Variants in RNH1 observed in about 807,000 individuals in gnomAD.
RNH1 encodes the protein ribonuclease/angiogenin inhibitor 1, also known as ribonuclease inhibitor.
Under a neutral mutation model 46.1 loss-of-function variants are expected in RNH1, and 38 were observed. That is an observed-to-expected ratio of 0.82 (90% CI 0.64 to 1.08). The LOEUF (loss-of-function observed/expected upper bound fraction) is 1.08. RNH1 is among the 50% of genes least tolerant of loss of function. The pLI, the probability that RNH1 is intolerant of heterozygous loss-of-function variation, is 0.00. For synonymous variants in RNH1, 319 were observed against 279.1 expected (o/e 1.14, Z -1.43); for missense variants, 577 against 590.7 (o/e 0.98, Z 0.24).
rs150021935 is a variant in RNH1, at chr11:495,317, T to G, written c.1128-264A>C. ...GGGAGGAGAAAGGACAGGAGAGAGA[T>G]GTCGTCCACCCAGAGAGCCACACCC... On this transcript the variant is annotated intron_variant, in intron 9 of 10. Transcript: ENST00000354420. 2.6e-3 allele frequency among the ~76,000 whole-genome samples: 395 copies of G among 152,160 alleles called. 1 individual carries two copies. Among genetic ancestry groups the G allele is most frequent in the Middle Eastern group, 0.01 (3 of 294 alleles).
intron 6 of RNH1, 41 bp from the exon 7 acceptor site, chr11:498,974 C>A (rs764436220): frequency 7.4e-6 from 12 of 1,611,450 alleles, no homozygotes; most frequent in South Asian, 6.6e-5. Flanking sequence ...CGGGACCCCC[C>A]CTAGCCCACA....
chr11:501,004 C>T lies in RNH1; in HGVS notation c.102-350G>A. On this transcript the variant is annotated intron_variant, in intron 3 of 10. Coordinates refer to ENST00000354420, the MANE Select transcript of RNH1 (RefSeq NM_203387.3). The surrounding 1 kb of genome is among the most constrained non-coding windows in gnomAD (Gnocchi z 4.1). ...GTAGCCGGGCGTGGTGGCGCATGCC[C>T]ATAATCCCAGCTACTCGGGAGGCTG... 5.2e-6 allele frequency: 2 copies of T among 381,134 alleles called. No homozygotes were observed. The highest frequency in any genetic ancestry group is 1.0e-5 in the Non-Finnish European group (2 of 197,390). 23.6% of individuals were successfully genotyped at this position (381,134 alleles called of 1,614,324 possible).
rs750626202 is a variant in RNH1, at chr11:498,116, C to A, written c.982G>T (p.Ala328Ser). Residue 328 changes from alanine (A) to serine (S), a missense_variant, in exon 9 of 11, where the codon GCC (alanine) becomes TCC (serine). Transcript: ENST00000354420. ...LWVKSCSFTA[A>S]CCSHFSSVLA... ...ACTGAGCTGAAGTGGGAGCAGCAGG[C>A]GGCTGTGAAGCTGCAGGACTTCACC... 1.2e-6 allele frequency: 2 copies of A among 1,613,716 alleles called. No individual in the cohort carries two copies. Among genetic ancestry groups the A allele is most frequent in the African/African-American group, 1.3e-5 (1 of 75,064 alleles).
At position 500,666 on chromosome 11, in the gene RNH1, C is replaced by A. The variant is rs760702941; in HGVS notation, c.102-12G>T. Reference sequence around the variant, plus strand: ...CACAGTCGTCCAGCCTGTGAGCAGACCCCAGGGTCATGTGGACCACGCAGA... The same window carrying A: ...CACAGTCGTCCAGCCTGTGAGCAGAACCCAGGGTCATGTGGACCACGCAGA... On this transcript the variant is annotated splice_polypyrimidine_tract_variant and intron_variant, in intron 3 of 10. Coordinates refer to ENST00000354420, the MANE Select transcript of RNH1 (RefSeq NM_203387.3). 6 of 1,602,400 alleles carry A rather than the reference C, an allele frequency of 3.7e-6. No individual in the cohort carries two copies. Among genetic ancestry groups the A allele is most frequent in the Middle Eastern group, 1.6e-4 (1 of 6,082 alleles).
intron 9 of RNH1, among the ~76,000 whole-genome samples, chr11:495,699 A>C (rs61876340): frequency 0.097 from 14,785 of 152,188 alleles, 990 homozygotes; most frequent in Admixed American, 0.18. Flanking sequence ...GTTCCTCTCC[A>C]CATCTGGAAC....
chr11:495,358 C>T (rs544312837), intron 9 of RNH1, among the ~76,000 whole-genome samples: 1 of 152,276 alleles, frequency 6.6e-6, no homozygotes, highest in Non-Finnish European at 1.5e-5. Context: ...CTTGTCACCT[C>T]GACACCGTCT....
chr11:505,638 A>C (rs1207377583), intron 1 of RNH1: 1 of 152,260 alleles, frequency 6.6e-6, no homozygotes, highest in Non-Finnish European at 1.5e-5. Context: ...AGCTCACTGC[A>C]GCCTCCTCTT....
At chr11:500,279 G>T in intron 4 of RNH1, 1 of 701,328 alleles carries the variant, frequency 1.4e-6, no homozygotes, top group Non-Finnish European at 2.3e-6. Context: ...TCTTGGGTGC[G>T]GGGGCTGGGA....
rs746057470 is a variant in RNH1, at chr11:502,198, G to A, written c.-36C>T. On this transcript the variant is annotated 5_prime_UTR_variant, in exon 3 of 11. Transcript: ENST00000354420. The surrounding 1 kb of genome is among the most constrained non-coding windows in gnomAD (Gnocchi z 5.8). ...AAGAGTGGCCTGGGTGGGAGGCAGA[G>A]GGAAGAGGACGTCTTGGCCGAATCC... 5.2e-6 allele frequency: 8 copies of A among 1,530,900 alleles called. No individual in the cohort carries two copies. In the South Asian group the frequency reaches 5.7e-5, roughly 11 times the overall value. The allele number at this position is 1,530,900 out of a possible 1,614,324, so 94.8% of individuals were successfully genotyped here.
intron 9 of RNH1, among the ~76,000 whole-genome samples, chr11:496,091 AAGG>A (rs1040935166): frequency 2.6e-5 from 4 of 151,892 alleles, no homozygotes; most frequent in African/African-American, 4.8e-5. Context: ...AAACATAAGA[AAGG>A]AGAGAGAAAA....
At chr11:498,724 C>G (rs373444784) in intron 7 of RNH1, 39 bp downstream of exon 7, 1 of 1,590,022 alleles carries the variant, frequency 6.3e-7, no homozygotes. Context: ...GGCCCGCCGC[C>G]CGACCCTCCG....
intron 9 of RNH1, among the ~76,000 whole-genome samples, chr11:497,186 C>T (rs1240691904): frequency 1.4e-5 from 2 of 144,516 alleles, no homozygotes; most frequent in East Asian, 2.0e-4. Context: ...CACACGGACA[C>T]TCGTGCTCAC....
chr11:500,314 C>T (rs183171042), intron 4 of RNH1, 170 bp downstream of exon 4: 34 of 829,478 alleles, frequency 4.1e-5, no homozygotes, highest in East Asian at 1.1e-4. Flanking sequence ...CCCTGTCCCC[C>T]CCGCTGTGAG....
In RNH1 at chr11:494,890, G is replaced by A; in HGVS notation, c.1291C>T (p.Gln431Ter). Reference protein sequence around the residue: ...SVRQPGCLLEQLVLYDIYWSE... With the variant: ...SVRQPGCLLE ...CCCAGCGCGTGCACATACACCAGCT[G>A]CTCCAGGAGGCAGCCCGGCTGCCGG... is the stretch of plus-strand genomic sequence containing the variant. The change falls in exon 10 of 11, where the codon CAG becomes TAG. Residue 431 changes from glutamine (Q) to a stop codon, truncating the protein, a stop_gained. Coordinates refer to ENST00000354420, the MANE Select transcript of RNH1 (RefSeq NM_203387.3). LOFTEE classifies it low-confidence loss of function (END_TRUNC). The A allele has an allele frequency of 2.5e-6, 4 of 1,611,902 alleles. No individual in the cohort carries two copies. The highest frequency in any genetic ancestry group is 3.4e-6 in the Non-Finnish European group (4 of 1,179,386).
chr11:497,660 T>C (rs1489134207), intron 9 of RNH1, among the ~76,000 whole-genome samples: 1 of 121,078 alleles, frequency 8.3e-6, no homozygotes, highest in African/African-American at 3.1e-5. Flanking sequence ...CTCACCCATG[T>C]GCTCACACAC....
intron 5 of RNH1, chr11:499,435 G>T (rs1206242589): frequency 2.9e-6 from 2 of 678,928 alleles, no homozygotes; most frequent in East Asian, 5.5e-5. Context: ...CCGGGAGAAA[G>T]AAACCAGCCT....
rs543238224 is a variant in RNH1, at chr11:501,528, C to T, written c.101+534G>A. 1 of 159,800 alleles carries T rather than the reference C, an allele frequency of 6.3e-6. No homozygotes were observed. Among genetic ancestry groups the T allele is most frequent in the Non-Finnish European group, 1.4e-5 (1 of 72,252 alleles). The allele number at this position is 159,800 out of a possible 1,614,324, so 9.9% of individuals were successfully genotyped here. On this transcript the variant is annotated intron_variant, in intron 3 of 10. Coordinates refer to ENST00000354420, the MANE Select transcript of RNH1 (RefSeq NM_203387.3). This position sits in a 1 kb window ranked among gnomAD's most constrained non-coding sequence, Gnocchi z 4.1. ...AGCTAGCGTCCGCAGGTACACAGGA[C>T]CACCTCACCAGGGAGCCCCGTCCGG...
rs939107174 is a variant in RNH1 at position 499,006 on chromosome 11, A to G, written c.614+9T>C. 2 of 1,605,584 alleles carry G rather than the reference A, an allele frequency of 1.2e-6. No homozygotes were observed. Among genetic ancestry groups the G allele is most frequent in the African/African-American group, 2.7e-5 (2 of 74,760 alleles). On this transcript the variant is annotated intron_variant, in intron 6 of 10. Transcript: ENST00000354420. ...CACACCCCGCACCCCCCCAAGGCCCAGTGCCTACTTGAGCGCCTCCAGCTG... is the reference window on the plus strand; with the variant it reads ...CACACCCCGCACCCCCCCAAGGCCCGGTGCCTACTTGAGCGCCTCCAGCTG...
chr11:499,688 C>T, intron 5 of RNH1, 141 bp downstream of exon 5: 1 of 1,010,944 alleles, frequency 9.9e-7, no homozygotes, highest in Non-Finnish European at 1.5e-6. Flanking sequence ...GACCCAGCAT[C>T]ATGGGGAAAG....
Sources: allele counts gnomAD v4.1 joint callset (sites outside exome capture counted in the v4.1 genomes callset), GRCh38; gene constraint gnomAD v4.1.1; non-coding constraint Gnocchi (gnomAD v3.1); transcripts MANE v1.5; gene names NCBI Gene and HGNC (gene_info 2026-07-23, HGNC 2026-07-21).